Variants in ZC3H7B observed in about 807,000 individuals in gnomAD.
The protein encoded by ZC3H7B is zinc finger CCCH domain-containing protein 7B.
In ZC3H7B, 35 loss-of-function variants were observed where a neutral mutation model predicts 116.0. That is an observed-to-expected ratio of 0.30 (90% CI 0.23 to 0.40). The LOEUF is 0.40. ZC3H7B is among the 10% of genes least tolerant of loss of function. The pLI is 1.00. For missense variants in ZC3H7B, 1,011 were observed against 1,321.5 expected, an observed-to-expected ratio of 0.77 and a Z score of 3.64; for synonymous variants, 502 against 545.6, an observed-to-expected ratio of 0.92 and a Z score of 1.11.
In ZC3H7B at chr22:41,358,836, A is replaced by G. The variant is rs911641865; in HGVS notation, c.*1407A>G. The G allele has an allele frequency of 2.6e-5, 4 of 154,690 alleles. No homozygotes were observed. The highest frequency in any genetic ancestry group is 9.7e-5 in the African/African-American group (4 of 41,450). 9.6% of individuals were successfully genotyped at this position (154,690 alleles called of 1,614,324 possible). A position where few individuals can be genotyped will look rare whatever the true frequency, so the allele number is the denominator to read the frequency against. The stretch of plus-strand genomic sequence containing the variant: ...GATCCACCGTGCCCTGGTTCCCCAG[A>G]CATTCCAGAATGCCCCACATCATTG... On this transcript the variant is annotated 3_prime_UTR_variant, in exon 23 of 23. Transcript: ENST00000352645.
At chr22:41,322,147 C>T (rs1216262529) in intron 2 of ZC3H7B, among the ~76,000 whole-genome samples, 1 of 147,462 alleles carries the variant, frequency 6.8e-6, no homozygotes, top group African/African-American at 2.5e-5. Flanking sequence ...CCAAAACTCA[C>T]ATTCTTTCTA....
At chr22:41,314,678 C>T (rs535465888) in intron 1 of ZC3H7B, among the ~76,000 whole-genome samples, 119 of 151,404 alleles carry the variant, frequency 7.9e-4, no homozygotes, top group Admixed American at 3.3e-3. Context: ...GGCACGATCT[C>T]GGCTCACTGC....
At chr22:41,342,684 A>G (rs1228691197) in intron 12 of ZC3H7B, 56 bp downstream of exon 12, 6 of 1,475,722 alleles carry the variant, frequency 4.1e-6, no homozygotes, top group Non-Finnish European at 5.6e-6. Context: ...GAATCTCAGG[A>G]ACATGGGATC....
chr22:41,311,692 C>T (rs768867167), intron 1 of ZC3H7B, among the ~76,000 whole-genome samples: 22 of 151,962 alleles, frequency 1.4e-4, no homozygotes, highest in Non-Finnish European at 2.4e-4. Context: ...ATAGGCGAGT[C>T]GTTAACATGA....
In ZC3H7B at chr22:41,356,384, C is replaced by T. The variant is rs369723223; in HGVS notation, c.2425C>T (p.His809Tyr). ...QQTYDMWLKKHNPGKPGEGTP... is the reference protein window; with the variant it reads ...QQTYDMWLKKYNPGKPGEGTP... ...GACCTATGACATGTGGCTGAAAAAACACAACCCAGGAAAGCCTGGAGAAGG... is the reference window on the plus strand; with the variant it reads ...GACCTATGACATGTGGCTGAAAAAATACAACCCAGGAAAGCCTGGAGAAGG... The change falls in exon 21 of 23, where the codon CAC becomes TAC. Residue 809 changes from histidine (H) to tyrosine (Y), a missense_variant. By Grantham distance (83) the His-to-Tyr change is moderately conservative. Coordinates refer to ENST00000352645, the MANE Select transcript of ZC3H7B (RefSeq NM_017590.6). 7 of 1,614,030 alleles carry T rather than the reference C, an allele frequency of 4.3e-6. No individual in the cohort carries two copies. The highest frequency in any genetic ancestry group is 5.9e-6 in the Non-Finnish European group (7 of 1,180,034).
chr22:41,314,455 C>A (rs1490285329), intron 1 of ZC3H7B, among the ~76,000 whole-genome samples: 2 of 151,786 alleles, frequency 1.3e-5, no homozygotes, highest in Non-Finnish European at 2.9e-5. Flanking sequence ...CTGCGCCCAA[C>A]CTATTTTTTA....
intron 1 of ZC3H7B, among the ~76,000 whole-genome samples, chr22:41,316,541 G>A (rs1044794443): frequency 7.8e-5 from 11 of 141,554 alleles, no homozygotes; most frequent in Non-Finnish European, 1.2e-4. Flanking sequence ...GGTGATCCAC[G>A]CACCTTGGCC....
At position 41,337,858 on chromosome 22, in the gene ZC3H7B, C is replaced by T. The variant is rs1328909363; in HGVS notation, c.583-455C>T. ...GCACCACAGGGGTGAGGACCCAGCA[C>T]GTGTGAGGGCTTTTTTTTTTTTTTT... On this transcript the variant is annotated intron_variant, in intron 7 of 22. Coordinates refer to ENST00000352645, the MANE Select transcript of ZC3H7B (RefSeq NM_017590.6). 4.0e-5 allele frequency among the ~76,000 whole-genome samples: 6 copies of T among 150,268 alleles called. No individual in the cohort carries two copies. In the East Asian group the frequency reaches 1.2e-3, roughly 29 times the overall value.
intron 2 of ZC3H7B, among the ~76,000 whole-genome samples, chr22:41,323,793 G>A (rs1248669470): frequency 2.6e-5 from 4 of 152,222 alleles, no homozygotes; most frequent in Admixed American, 6.5e-5. Context: ...GTCTACGGCC[G>A]GGCGCGGTGG....
intron 14 of ZC3H7B, among the ~76,000 whole-genome samples, chr22:41,347,850 G>A (rs192526175): frequency 6.6e-6 from 1 of 152,286 alleles, no homozygotes; most frequent in Admixed American, 6.5e-5. Flanking sequence ...TCAGAGGGAG[G>A]GAGGAGGGTG....
In ZC3H7B at chr22:41,338,977, G is replaced by A. The variant is rs1160898915; in HGVS notation, c.626-24G>A. On this transcript the variant is annotated intron_variant, in intron 8 of 22. Transcript: ENST00000352645. This position sits in a 1 kb window ranked among gnomAD's most constrained non-coding sequence, Gnocchi z 4.5. ...CCCTCACCAAGCAGTGCTCCCCTTC[G>A]GCTCTTGCCCACCCCATCCGCAGAC... 5 of 1,519,158 alleles carry A rather than the reference G, an allele frequency of 3.3e-6. No homozygotes were observed. The South Asian group carries it at 5.2e-5, about 16-fold the overall frequency. The allele number at this position is 1,519,158 out of a possible 1,614,324, so 94.1% of individuals were successfully genotyped here.
intron 1 of ZC3H7B, among the ~76,000 whole-genome samples, chr22:41,315,339 G>C (rs1166232573): frequency 6.9e-6 from 1 of 145,960 alleles, no homozygotes; most frequent in Non-Finnish European, 1.5e-5. Flanking sequence ...ACTATATCCA[G>C]CTAATTTCTA....
At chr22:41,309,237 C>G (rs936731601) in intron 1 of ZC3H7B, among the ~76,000 whole-genome samples, 4 of 152,004 alleles carry the variant, frequency 2.6e-5, no homozygotes, top group Non-Finnish European at 4.4e-5. Context: ...GTCTCGATCT[C>G]CTGACCTCGT....
chr22:41,313,923 T>C (rs1047350816), intron 1 of ZC3H7B, among the ~76,000 whole-genome samples: 8 of 151,690 alleles, frequency 5.3e-5, no homozygotes, highest in South Asian at 2.1e-4. Context: ...ATTTTTTTTT[T>C]TTTCGTATTT....
chr22:41,307,925 T>A (rs1202464874), intron 1 of ZC3H7B, among the ~76,000 whole-genome samples: 1 of 152,176 alleles, frequency 6.6e-6, no homozygotes, highest in Non-Finnish European at 1.5e-5. Flanking sequence ...GCTCTTTTCT[T>A]ATCAATCTGG....
At chr22:41,332,510 C>G (rs867806056) in intron 7 of ZC3H7B, 6 of 416,788 alleles carry the variant, frequency 1.4e-5, no homozygotes, top group African/African-American at 4.0e-5. Context: ...CTGCCTCCTG[C>G]CCCACATTTC....
At chr22:41,354,886 C>T (rs1227819303) in intron 17 of ZC3H7B, among the ~76,000 whole-genome samples, 2 of 152,128 alleles carry the variant, frequency 1.3e-5, no homozygotes, top group African/African-American at 2.4e-5. Flanking sequence ...CCTGTCCCAC[C>T]GCCCAAGGCT....
chr22:41,307,200 A>C (rs1405153378), intron 1 of ZC3H7B, among the ~76,000 whole-genome samples: 1 of 150,366 alleles, frequency 6.7e-6, no homozygotes, highest in Non-Finnish European at 1.5e-5. Flanking sequence ...CTGGTCTTGA[A>C]CTCCTGACCT....
intron 1 of ZC3H7B, among the ~76,000 whole-genome samples, chr22:41,309,008 C>T (rs868718366): frequency 1.9e-4 from 20 of 103,266 alleles, no homozygotes; most frequent in South Asian, 3.8e-4. Flanking sequence ...TCCCAGTCTG[C>T]TTTTTTTTTT....
Sources: allele counts gnomAD v4.1 joint callset (sites outside exome capture counted in the v4.1 genomes callset), GRCh38; gene constraint gnomAD v4.1.1; non-coding constraint Gnocchi (gnomAD v3.1); transcripts MANE v1.5; gene names NCBI Gene and HGNC (gene_info 2026-07-23, HGNC 2026-07-21).